Variants in SORCS1 observed in about 807,000 individuals in gnomAD.
SORCS1 encodes sortilin related VPS10 domain containing receptor 1, also known as VPS10 domain-containing receptor SorCS1.
Under a neutral mutation model 146.1 loss-of-function variants are expected in SORCS1, and 60 were observed. That is an observed-to-expected ratio of 0.41 (90% CI 0.33 to 0.51). The LOEUF (loss-of-function observed/expected upper bound fraction) is 0.51. SORCS1 is among the 20% of genes least tolerant of loss of function. The pLI, the probability that SORCS1 is intolerant of heterozygous loss-of-function variation, is 0.21. For synonymous variants in SORCS1, 637 were observed against 584.0 expected (o/e 1.09, Z -1.31); for missense variants, 1,352 against 1,487.6 (o/e 0.91, Z 1.50).
intron 2 of SORCS1, among the ~76,000 whole-genome samples, chr10:106,862,220 C>T (rs1434147127): frequency 6.6e-6 from 1 of 152,052 alleles, no homozygotes; most frequent in Non-Finnish European, 1.5e-5. Context: ...AAATATCATC[C>T]CCAAATCACT....
intron 25 of SORCS1, chr10:106,578,652 C>G: frequency 1.0e-6 from 1 of 996,880 alleles, no homozygotes; most frequent in Non-Finnish European, 1.2e-6. Flanking sequence ...GCAGTTTGCC[C>G]TCCTTAAGAG....
intron 1 of SORCS1, among the ~76,000 whole-genome samples, chr10:107,155,314 G>A (rs754395557): frequency 4.6e-5 from 7 of 152,170 alleles, no homozygotes; most frequent in Non-Finnish European, 8.8e-5. Flanking sequence ...TTAAACTCAT[G>A]TGCAAATCTT....
In SORCS1 at chr10:106,688,275, T is replaced by C; in HGVS notation, c.1477A>G (p.Ile493Val). 3.1e-6 allele frequency: 5 copies of C among 1,614,038 alleles called. No individual in the cohort carries two copies. Among genetic ancestry groups the C allele is most frequent in the Non-Finnish European group, 4.2e-6 (5 of 1,179,932 alleles). ...CAGTCTCTGCCTTTGTTATATGTGA[T>C]GAAAGTCTTCACTTGGTTGTCAATC... ...KKIDNQVKTF[I>V]TYNKGRDWRL... is the part of the protein sequence containing the mutation. The change falls in exon 10 of 26, where the codon ATC becomes GTC. Residue 493 changes from isoleucine (I) to valine (V), a missense_variant. Ile to Val is a conservative substitution (Grantham distance 29). Coordinates refer to ENST00000263054, the MANE Select transcript of SORCS1 (RefSeq NM_052918.5).
chr10:106,961,571 T>A (rs1020412884), intron 1 of SORCS1, among the ~76,000 whole-genome samples: 2 of 152,206 alleles, frequency 1.3e-5, no homozygotes, highest in African/African-American at 4.8e-5. Flanking sequence ...GAAAGTGCGA[T>A]GGAAGTGAGG....
At chr10:106,797,211 T>C (rs191685466) in intron 3 of SORCS1, among the ~76,000 whole-genome samples, 24 of 152,314 alleles carry the variant, frequency 1.6e-4, no homozygotes, top group African/African-American at 5.5e-4. Context: ...TTCAGTAAGA[T>C]TCTTTACTGG....
At chr10:106,706,731 C>T in intron 7 of SORCS1, 97 bp from the exon 8 acceptor site, 1 of 1,063,812 alleles carries the variant, frequency 9.4e-7, no homozygotes, top group Non-Finnish European at 1.4e-6. Context: ...GCTTCCAACA[C>T]AACAAATGGC....
intron 1 of SORCS1, among the ~76,000 whole-genome samples, chr10:107,006,110 T>C (rs1252697735): frequency 2.6e-5 from 4 of 152,218 alleles, no homozygotes; most frequent in African/African-American, 4.8e-5. Context: ...TTTGAGTTAT[T>C]TGAAGACTGA....
At chr10:106,672,756 G>C in intron 15 of SORCS1, 112 bp downstream of exon 15, 1 of 782,042 alleles carries the variant, frequency 1.3e-6, no homozygotes, top group Non-Finnish European at 2.2e-6. Context: ...GAAAACAGTA[G>C]ATGGACATTT....
chr10:106,742,672 G>A (rs1294607505), intron 5 of SORCS1, among the ~76,000 whole-genome samples: 2 of 152,106 alleles, frequency 1.3e-5, no homozygotes, highest in Non-Finnish European at 2.9e-5. Context: ...GAGTCACCAC[G>A]CCTGGCCAAT....
chr10:106,718,015 T>C (rs1855502212), intron 6 of SORCS1, among the ~76,000 whole-genome samples: 1 of 152,182 alleles, frequency 6.6e-6, no homozygotes, highest in South Asian at 2.1e-4. Context: ...ATTCAGACTA[T>C]GTTATAGAGT....
chr10:107,040,713 A>G (rs981258496), intron 1 of SORCS1, among the ~76,000 whole-genome samples: 2 of 152,210 alleles, frequency 1.3e-5, no homozygotes, highest in Admixed American at 1.3e-4. Context: ...ACATAAGATG[A>G]TGTATACTGA....
At chr10:106,737,059 G>GAGTGTGCGTGTC (rs1857004190) in intron 5 of SORCS1, among the ~76,000 whole-genome samples, 1 of 151,890 alleles carries the variant, frequency 6.6e-6, no homozygotes, top group Non-Finnish European at 1.5e-5. Context: ...GTGTGCATGT[G>GAGTGTGCGTGTC]AGTGTGTGTG....
chr10:106,650,952 T>C (rs1181957112), intron 18 of SORCS1, among the ~76,000 whole-genome samples: 1 of 152,126 alleles, frequency 6.6e-6, no homozygotes, highest in Non-Finnish European at 1.5e-5. Flanking sequence ...GGCTAATCTG[T>C]CATAGTCTCA....
chr10:106,618,041 G>T (rs534726460), intron 21 of SORCS1, 108 bp downstream of exon 21: 18 of 1,447,096 alleles, frequency 1.2e-5, no homozygotes, highest in Non-Finnish European at 1.6e-5. Flanking sequence ...ACTGCCCTCC[G>T]TTCTCCAGGT....
chr10:106,866,398 C>T lies in SORCS1; in HGVS notation c.627-36725G>A, dbSNP rs116833718. Among the ~76,000 whole-genome samples the T allele has an allele frequency of 1.6e-3, 244 of 152,302 alleles. 1 individual carries two copies. The highest frequency in any genetic ancestry group is 5.1e-3 in the African/African-American group (210 of 41,558). On this transcript the variant is annotated intron_variant, in intron 2 of 25. Coordinates refer to ENST00000263054, the MANE Select transcript of SORCS1 (RefSeq NM_052918.5). ...GCTATCCTGAGCTGATTACACTGAG[C>T]GACTGCTGACCTGCATCTCTCTGGG...
At chr10:107,129,496 A>G (rs1410500867) in intron 1 of SORCS1, among the ~76,000 whole-genome samples, 1 of 152,248 alleles carries the variant, frequency 6.6e-6, no homozygotes, top group African/African-American at 2.4e-5. Context: ...GAGCCTGAAC[A>G]ATAACATAAT....
At chr10:106,735,718 CA>C (rs1856901309) in intron 5 of SORCS1, among the ~76,000 whole-genome samples, 1 of 152,130 alleles carries the variant, frequency 6.6e-6, no homozygotes, top group South Asian at 2.1e-4. Flanking sequence ...GAAAAGACAC[CA>C]GGGGCCCAAT....
At chr10:106,867,330 G>A (rs533324832) in intron 2 of SORCS1, among the ~76,000 whole-genome samples, 1 of 150,120 alleles carries the variant, frequency 6.7e-6, no homozygotes, top group Admixed American at 6.6e-5. Flanking sequence ...TGTCGCCCAC[G>A]CTGGAGTGCA....
At chr10:106,867,442 G>T (rs184765596) in intron 2 of SORCS1, among the ~76,000 whole-genome samples, 3 of 151,982 alleles carry the variant, frequency 2.0e-5, no homozygotes, top group Admixed American at 6.5e-5. Flanking sequence ...CCACCACCAC[G>T]CCCGGCTAAT....
Sources: gnomAD v4.1 joint callset for allele counts (sites outside exome capture counted in the v4.1 genomes callset) on GRCh38, gnomAD v4.1.1 for gene constraint, MANE v1.5 for transcripts, NCBI Gene and HGNC (gene_info 2026-07-23, HGNC 2026-07-21) for gene names.